KIF1A: variants seen among roughly 807,000 people sequenced by gnomAD.
KIF1A encodes kinesin-like protein KIF1A.
A neutral mutation model predicts 227.3 loss-of-function variants in KIF1A; 46 were observed. The observed-to-expected ratio is 0.20, with a 90% confidence interval of 0.16 to 0.26. KIF1A has a LOEUF of 0.26. KIF1A is among the 10% of genes least tolerant of loss of function. KIF1A has a pLI of 1.00. For missense variants in KIF1A, 1,683 were observed against 2,485.9 expected (o/e 0.68, Z 6.87); for synonymous variants, 1,022 against 1,012.8 (o/e 1.01, Z -0.17).
intron 1 of KIF1A, among the ~76,000 whole-genome samples, chr2:240,809,437 A>G (rs914042581): frequency 6.6e-6 from 1 of 152,226 alleles, no homozygotes; most frequent in African/African-American, 2.4e-5. Context: ...GACCTGCAGA[A>G]GCACAGCCCT....
chr2:240,782,006 T>C lies in KIF1A; in HGVS notation c.882+584A>G, dbSNP rs2054092158. On this transcript the variant is annotated intron_variant, in intron 10 of 48. Transcript: ENST00000498729. ...GTGAGCACCTCGCGGATCCCCGTGG[T>C]GGCGCCCGCCCTGTCTCACGCATTC... 8.1e-6 allele frequency: 8 copies of C among 985,294 alleles called. No homozygotes were observed. In the Admixed American group the frequency reaches 2.5e-4, roughly 30 times the overall value. The allele number at this position is 985,294 out of a possible 1,614,324, so 61.0% of individuals were successfully genotyped here.
At chr2:240,814,909 C>A (rs1312112258) in intron 1 of KIF1A, among the ~76,000 whole-genome samples, 6 of 152,076 alleles carry the variant, frequency 3.9e-5, no homozygotes, top group Non-Finnish European at 7.4e-5. Context: ...AGAGTGAGAC[C>A]CTGTCTCTAA....
Position 240,788,668 on chromosome 2 carries a change from G to T in KIF1A, c.184-438C>A, listed in dbSNP as rs1275340660. 3.9e-5 allele frequency among the ~76,000 whole-genome samples: 6 copies of T among 152,140 alleles called. No individual in the cohort carries two copies. The highest frequency in any genetic ancestry group is 1.4e-4 in the African/African-American group (6 of 41,426). On this transcript the variant is annotated intron_variant, in intron 3 of 48. Coordinates refer to ENST00000498729, the MANE Select transcript of KIF1A (RefSeq NM_001244008.2). The surrounding 1 kb of genome is among the most constrained non-coding windows in gnomAD (Gnocchi z 6.6). ...GGCACTTTAGGCAGGGGGACAGGGTGATTAGCTGGGGGTCATCCTGGAAGG... is the reference window on the plus strand; with the variant it reads ...GGCACTTTAGGCAGGGGGACAGGGTTATTAGCTGGGGGTCATCCTGGAAGG...
At chr2:240,780,016 T>C (rs2053415788) in intron 10 of KIF1A, among the ~76,000 whole-genome samples, 2 of 151,886 alleles carry the variant, frequency 1.3e-5, no homozygotes, top group South Asian at 4.2e-4. Flanking sequence ...CCACAAACAG[T>C]TTCTCAAGCA....
intron 2 of KIF1A, among the ~76,000 whole-genome samples, chr2:240,796,636 A>C (rs1341055307): frequency 6.6e-6 from 1 of 152,168 alleles, no homozygotes; most frequent in Non-Finnish European, 1.5e-5. Flanking sequence ...GGGGCCCCAC[A>C]GCCGCAGCAG....
At chr2:240,799,355 C>T (rs1163205078) in intron 1 of KIF1A, among the ~76,000 whole-genome samples, 1 of 152,230 alleles carries the variant, frequency 6.6e-6, no homozygotes, top group Non-Finnish European at 1.5e-5. Context: ...CTCCGCAGAA[C>T]AGGCTGGATG....
At chr2:240,755,046 C>G (rs954333798) in intron 27 of KIF1A, among the ~76,000 whole-genome samples, 1 of 152,204 alleles carries the variant, frequency 6.6e-6, no homozygotes, top group Non-Finnish European at 1.5e-5. Context: ...TGTGCCCACC[C>G]ACCCTTCCTG....
chr2:240,760,060 G>A (rs892263909), intron 25 of KIF1A, among the ~76,000 whole-genome samples: 5 of 151,872 alleles, frequency 3.3e-5, no homozygotes, highest in African/African-American at 7.3e-5. Context: ...ACAAATCAGC[G>A]TGAGCATGTG....
At chr2:240,782,532 G>A (rs2054196435) in intron 10 of KIF1A, 58 bp downstream of exon 10, 13 of 1,536,976 alleles carry the variant, frequency 8.5e-6, no homozygotes, top group South Asian at 3.6e-5. Flanking sequence ...CGCCAATGCA[G>A]GGCAGACACC....
Position 240,789,214 on chromosome 2 carries a change from C to G in KIF1A, c.183+22G>C, listed in dbSNP as rs1226485649. 1 of 1,607,278 alleles carries G rather than the reference C, an allele frequency of 6.2e-7. No individual in the cohort carries two copies. The highest frequency in any genetic ancestry group is 1.7e-5 in the Admixed American group (1 of 59,996). On this transcript the variant is annotated intron_variant, in intron 3 of 48. Coordinates refer to ENST00000498729, the MANE Select transcript of KIF1A (RefSeq NM_001244008.2). The surrounding 1 kb of genome is among the most constrained non-coding windows in gnomAD (Gnocchi z 4.8). ...CTATGCACTGCTGCCCCCGCCTCCC[C>G]CGACCCGGGGTCCCGGCTTACTGAG...
chr2:240,810,527 C>T (rs13413076), intron 1 of KIF1A, among the ~76,000 whole-genome samples: 1,709 of 152,260 alleles, frequency 0.011, 19 homozygotes, highest in African/African-American at 0.038. Context: ...GGAGGGGCTG[C>T]AGACCTTGTG....
chr2:240,808,438 T>C (rs6727817), intron 1 of KIF1A, among the ~76,000 whole-genome samples: 94,980 of 151,704 alleles, frequency 0.63, 30,356 homozygotes, highest in South Asian at 0.78. Context: ...GTAGAAGGAT[T>C]GCTTGAGCCC....
intron 7 of KIF1A, 96 bp from the exon 8 acceptor site, chr2:240,783,912 C>T: frequency 1.0e-6 from 1 of 969,292 alleles, no homozygotes; most frequent in East Asian, 2.6e-5. Context: ...GTTGAAGGAG[C>T]CCTGGCCAAG....
intron 13 of KIF1A, 27 bp from the exon 14 acceptor site, chr2:240,772,623 G>T (rs1357937894): frequency 4.6e-6 from 7 of 1,522,382 alleles, no homozygotes; most frequent in Non-Finnish European, 6.2e-6. Context: ...CGTGGGGGAG[G>T]GGGAGAGACA....
At position 240,774,206 on chromosome 2, in the gene KIF1A, G is replaced by A. The variant is rs1237938827; in HGVS notation, c.1014C>T (p.Tyr338=). The change falls in exon 12 of 49, where the codon TAC becomes TAT. Residue 338 remains tyrosine (Y), a synonymous_variant. Coordinates refer to ENST00000498729, the MANE Select transcript of KIF1A (RefSeq NM_001244008.2). The part of the protein sequence containing the change: ...VAALSPADIN[Y]DETLSTLRYA... ...ACCTCAGCGTGCTAAGGGTCTCATC[G>A]TAGTTGATGTCTGCAGGACTCAAGG... The A allele has an allele frequency of 1.4e-5, 23 of 1,607,924 alleles. No homozygotes were observed. The highest frequency in any genetic ancestry group is 2.7e-5 in the African/African-American group (2 of 74,780).
At chr2:240,800,105 GACAC>G (rs3220094) in intron 1 of KIF1A, among the ~76,000 whole-genome samples, 1,981 of 143,010 alleles carry the variant, frequency 0.014, 19 homozygotes, top group African/African-American at 0.024. Context: ...GTCCAAAGCA[GACAC>G]ACACACACAC....
chr2:240,800,433 G>T (rs2056869213), intron 1 of KIF1A, among the ~76,000 whole-genome samples: 1 of 152,156 alleles, frequency 6.6e-6, no homozygotes, highest in Admixed American at 6.5e-5. Context: ...TCAGTGTGCA[G>T]CCACAAGCCA....
chr2:240,821,104 T>TG (rs148357596), upstream of KIF1A, among the ~76,000 whole-genome samples: 18,298 of 152,190 alleles, frequency 0.12, 1,171 homozygotes, highest in African/African-American at 0.16. Flanking sequence ...ACAAAGCCTC[T>TG]GGGCAGCTCG....
chr2:240,812,943 C>A (rs796582301), intron 1 of KIF1A, among the ~76,000 whole-genome samples: 2,160 of 39,892 alleles, frequency 0.054, no homozygotes, highest in South Asian at 0.078. Context: ...CTCGGGGATC[C>A]GCCTTCACCT....
Sources: gnomAD v4.1 joint callset for allele counts (sites outside exome capture counted in the v4.1 genomes callset) on GRCh38, gnomAD v4.1.1 for gene constraint, Gnocchi (gnomAD v3.1) non-coding constraint, MANE v1.5 for transcripts, NCBI Gene and HGNC (gene_info 2026-07-23, HGNC 2026-07-21) for gene names.